RAD51B: variants seen among roughly 807,000 people sequenced by gnomAD.
RAD51B encodes the protein RAD51 paralog B, also known as DNA repair protein RAD51 homolog 2.
A neutral mutation model predicts 42.2 loss-of-function variants in RAD51B; 38 were observed. The observed-to-expected ratio is 0.90, with a 90% confidence interval of 0.70 to 1.18. The LOEUF is 1.18. Ranked by LOEUF, RAD51B falls within the 50% of genes most tolerant of loss-of-function variation. RAD51B has a pLI of 0.00. For missense variants in RAD51B, 373 were observed against 400.7 expected (o/e 0.93, Z 0.59); for synonymous variants, 154 against 145.2 (o/e 1.06, Z -0.43).
intron 7 of RAD51B, among the ~76,000 whole-genome samples, chr14:68,127,203 T>G (rs2077779566): frequency 6.6e-6 from 1 of 152,172 alleles, no homozygotes; most frequent in South Asian, 2.1e-4. Flanking sequence ...ATTTTTGTAT[T>G]TCCCAAACTA....
At chr14:68,296,269 A>G (rs573341849) in intron 8 of RAD51B, among the ~76,000 whole-genome samples, 7 of 152,320 alleles carry the variant, frequency 4.6e-5, no homozygotes, top group Admixed American at 3.9e-4. Context: ...AGAGATAGGG[A>G]CAGAAATAAG....
At chr14:68,582,686 A>G (rs1229790573) in intron 10 of RAD51B, among the ~76,000 whole-genome samples, 2 of 152,218 alleles carry the variant, frequency 1.3e-5, no homozygotes, top group African/African-American at 4.8e-5. Flanking sequence ...TCATTCTGCT[A>G]TAAAGACACA....
chr14:68,140,789 T>A (rs780081012), intron 7 of RAD51B, among the ~76,000 whole-genome samples: 4 of 152,348 alleles, frequency 2.6e-5, no homozygotes, highest in Middle Eastern at 3.4e-3. Flanking sequence ...CAATTTCTGG[T>A]GATGGTGTGA....
At chr14:68,364,210 C>G (rs1393889022) in intron 8 of RAD51B, among the ~76,000 whole-genome samples, 1 of 152,144 alleles carries the variant, frequency 6.6e-6, no homozygotes, top group Admixed American at 6.5e-5. Flanking sequence ...CTACCCTCTT[C>G]TCCCTCCCTC....
intron 7 of RAD51B, among the ~76,000 whole-genome samples, chr14:67,958,399 A>G (rs1245585212): frequency 6.6e-6 from 1 of 152,168 alleles, no homozygotes; most frequent in East Asian, 1.9e-4. Context: ...ACACGGCTAT[A>G]TGAGATCTTA....
chr14:67,956,472 C>T (rs970949696), intron 7 of RAD51B, among the ~76,000 whole-genome samples: 3 of 151,874 alleles, frequency 2.0e-5, no homozygotes, highest in Admixed American at 6.6e-5. Context: ...GGCGACAGAG[C>T]GACTCCGTCT....
intron 7 of RAD51B, among the ~76,000 whole-genome samples, chr14:68,210,806 C>T (rs564022960): frequency 2.6e-5 from 4 of 152,130 alleles, no homozygotes. Flanking sequence ...GAGTGAGTTA[C>T]TCCCCAGCTG....
chr14:68,380,825 A>C (rs1032060881), intron 8 of RAD51B, among the ~76,000 whole-genome samples: 1 of 152,230 alleles, frequency 6.6e-6, no homozygotes, highest in African/African-American at 2.4e-5. Flanking sequence ...TTCCCTGTTC[A>C]TCAAGGCTGT....
intron 10 of RAD51B, among the ~76,000 whole-genome samples, chr14:68,545,192 TCTTTG>T (rs1364309577): frequency 4.6e-5 from 7 of 152,230 alleles, no homozygotes; most frequent in African/African-American, 1.4e-4. Flanking sequence ...GGTTCATTAT[TCTTTG>T]CTTTGCTTGT....
chr14:68,123,187 CTTTCTTTTTT>C (rs1242944788), intron 7 of RAD51B, among the ~76,000 whole-genome samples: 5 of 141,036 alleles, frequency 3.5e-5, no homozygotes, highest in Non-Finnish European at 6.2e-5. Context: ...TTTTTTCTTT[CTTTCTTTTTT>C]TTTTTTTTTT....
At chr14:67,880,111 T>A (rs941498056) in intron 5 of RAD51B, among the ~76,000 whole-genome samples, 9 of 152,284 alleles carry the variant, frequency 5.9e-5, no homozygotes, top group Non-Finnish European at 7.4e-5. Flanking sequence ...TATAAAAAAA[T>A]TTCATTAGTA....
At chr14:68,311,049 A>G (rs909052962) in intron 8 of RAD51B, among the ~76,000 whole-genome samples, 17 of 152,084 alleles carry the variant, frequency 1.1e-4, no homozygotes, top group African/African-American at 3.6e-4. Context: ...TGCCATGTCT[A>G]CGTTGTTAAC....
intron 8 of RAD51B, among the ~76,000 whole-genome samples, chr14:68,395,223 G>A (rs765516082): frequency 2.6e-5 from 4 of 151,996 alleles, no homozygotes; most frequent in South Asian, 4.1e-4. Flanking sequence ...CTCTTTGCCC[G>A]ATTCCTATGA....
At chr14:68,116,769 A>G (rs1443272228) in intron 7 of RAD51B, among the ~76,000 whole-genome samples, 1 of 152,292 alleles carries the variant, frequency 6.6e-6, no homozygotes, top group East Asian at 1.9e-4. Flanking sequence ...TCTATGTCCT[A>G]TTGAATTGGA....
At chr14:67,875,681 C>T (rs192909137) in intron 5 of RAD51B, among the ~76,000 whole-genome samples, 83 of 152,206 alleles carry the variant, frequency 5.5e-4, no homozygotes, top group Admixed American at 3.1e-3. Flanking sequence ...TTATGATGTT[C>T]GCACAATAGT....
chr14:67,952,187 T>C (rs1372284425), intron 7 of RAD51B, among the ~76,000 whole-genome samples: 5 of 150,448 alleles, frequency 3.3e-5, no homozygotes, highest in Non-Finnish European at 7.4e-5. Flanking sequence ...AAACCATATG[T>C]AGAAAATGCT....
chr14:67,862,163 G>A (rs995200401), intron 4 of RAD51B, among the ~76,000 whole-genome samples: 2 of 152,016 alleles, frequency 1.3e-5, no homozygotes, highest in Non-Finnish European at 2.9e-5. Flanking sequence ...ATAAGTATAT[G>A]AAGTGATAGA....
intron 8 of RAD51B, among the ~76,000 whole-genome samples, chr14:68,389,123 T>A (rs2083676650): frequency 6.6e-6 from 1 of 152,226 alleles, no homozygotes; most frequent in Admixed American, 6.5e-5. Context: ...AGTAACTTTT[T>A]AAATGAAGTA....
chr14:68,504,167 G>A (rs1481042249), intron 10 of RAD51B, among the ~76,000 whole-genome samples: 2 of 152,120 alleles, frequency 1.3e-5, no homozygotes, highest in Non-Finnish European at 1.5e-5. Context: ...GTACAGAGCT[G>A]GATCGGGGCG....
Sources: gnomAD v4.1 joint callset for allele counts (sites outside exome capture counted in the v4.1 genomes callset) on GRCh38, gnomAD v4.1.1 for gene constraint, MANE v1.5 for transcripts, NCBI Gene and HGNC (gene_info 2026-07-23, HGNC 2026-07-21) for gene names.